Variants in DIP2B observed in about 807,000 individuals in gnomAD.
The protein encoded by DIP2B is DIP2 acetate--CoA ligase B (putative), also known as disco-interacting protein 2 homolog B.
DIP2B carries 76 observed loss-of-function variants against 198.0 expected under a neutral mutation model. The ratio of observed to expected loss-of-function variants is 0.38; its 90% CI spans 0.32 to 0.46. The LOEUF is 0.46. Among genes scored for constraint, DIP2B ranks in the 20% least tolerant of loss-of-function variants. The pLI is 0.99. For synonymous variants in DIP2B, 701 were observed against 739.1 expected (o/e 0.95, Z 0.84); for missense variants, 1,559 against 1,978.4 (o/e 0.79, Z 4.02).
rs966605505 is a variant in DIP2B, at chr12:50,748,363, TACG to T, written c.*3527_*3529del. The T allele has an allele frequency of 5.2e-5, 8 of 152,796 alleles. No homozygotes were observed. Among genetic ancestry groups the T allele is most frequent in the African/African-American group, 1.7e-4 (7 of 41,590 alleles). The allele number at this position is 152,796 out of a possible 1,614,324, so 9.5% of individuals were successfully genotyped here. A position where few individuals can be genotyped will look rare whatever the true frequency, so the allele number is the denominator to read the frequency against. ...CAATAGGCCTTTTCTTTATCATTCA[TACG>T]ACATTTCTGGTTTAGGTGTATGTAG... On this transcript the variant is annotated 3_prime_UTR_variant, in exon 38 of 38. Transcript: ENST00000301180.
intron 7 of DIP2B, among the ~76,000 whole-genome samples, chr12:50,677,718 G>T (rs1938972260): frequency 1.3e-5 from 2 of 151,906 alleles, no homozygotes; most frequent in South Asian, 2.1e-4. Flanking sequence ...TCTGTGAAAG[G>T]GTATGAAATA....
chr12:50,547,788 G>T (rs1958390504), intron 1 of DIP2B, among the ~76,000 whole-genome samples: 1 of 152,176 alleles, frequency 6.6e-6, no homozygotes, highest in African/African-American at 2.4e-5. Flanking sequence ...AAGGGTGTGA[G>T]CTGGGTATAG....
chr12:50,613,725 A>T (rs1168132589), intron 1 of DIP2B, among the ~76,000 whole-genome samples: 5 of 152,194 alleles, frequency 3.3e-5, no homozygotes, highest in Admixed American at 3.3e-4. Flanking sequence ...CGCAGATACC[A>T]CATTCCCAGC....
At chr12:50,577,538 A>AT (rs1958673673) in intron 1 of DIP2B, among the ~76,000 whole-genome samples, 1 of 151,618 alleles carries the variant, frequency 6.6e-6, no homozygotes, top group East Asian at 1.9e-4. Context: ...CGTCTAAAAA[A>AT]TAAAAAAAAT....
At chr12:50,523,055 G>A (rs1442336682) in intron 1 of DIP2B, among the ~76,000 whole-genome samples, 1 of 152,140 alleles carries the variant, frequency 6.6e-6, no homozygotes, top group Non-Finnish European at 1.5e-5. Context: ...CATAAGATCT[G>A]TATGAAGAAA....
intron 20 of DIP2B, among the ~76,000 whole-genome samples, chr12:50,706,110 C>T (rs1245320627): frequency 3.3e-5 from 5 of 152,258 alleles, no homozygotes; most frequent in South Asian, 4.1e-4. Flanking sequence ...CAACCTGAGA[C>T]GGTCATTCTC....
chr12:50,703,908 T>C (rs1565876748), intron 19 of DIP2B, among the ~76,000 whole-genome samples: 1 of 150,356 alleles, frequency 6.7e-6, no homozygotes. Flanking sequence ...TTTATTTATA[T>C]ATACATATTT....
At chr12:50,693,412 TAGAG>T (rs763678222) in intron 14 of DIP2B, among the ~76,000 whole-genome samples, 68 of 151,738 alleles carry the variant, frequency 4.5e-4, no homozygotes, top group Non-Finnish European at 6.3e-4. Flanking sequence ...GATATAGAGG[TAGAG>T]AGAGGGGACA....
chr12:50,583,325 C>G (rs1958742137), intron 1 of DIP2B, among the ~76,000 whole-genome samples: 1 of 152,054 alleles, frequency 6.6e-6, no homozygotes, highest in Admixed American at 6.6e-5. Context: ...AGCCAGACTC[C>G]TCTTCTATTG....
In DIP2B at chr12:50,748,179, T is replaced by C. The variant is rs1204261114; in HGVS notation, c.*3340T>C. ...CTATATCTTGGCCAAATAAATTACT[T>C]TCCTTGAATATCCAGGAATCTTTTA... is the stretch of plus-strand genomic sequence containing the variant. On this transcript the variant is annotated 3_prime_UTR_variant, in exon 38 of 38. Coordinates refer to ENST00000301180, the MANE Select transcript of DIP2B (RefSeq NM_173602.3). 1 of 152,672 alleles carries C rather than the reference T, an allele frequency of 6.5e-6. No homozygotes were observed. The highest frequency in any genetic ancestry group is 2.4e-5 in the African/African-American group (1 of 41,466). The allele number at this position is 152,672 out of a possible 1,614,324, so 9.5% of individuals were successfully genotyped here. A position where few individuals can be genotyped will look rare whatever the true frequency, so the allele number is the denominator to read the frequency against.
chr12:50,686,480 A>G (rs1939132632), intron 11 of DIP2B, 93 bp from the exon 12 acceptor site: 1 of 1,040,292 alleles, frequency 9.6e-7, no homozygotes, highest in African/African-American at 1.6e-5. Flanking sequence ...AATGATCTTA[A>G]TTTGGTCTCT....
intron 3 of DIP2B, among the ~76,000 whole-genome samples, chr12:50,652,945 G>T (rs1593689270): frequency 6.9e-6 from 1 of 145,354 alleles, no homozygotes; most frequent in Admixed American, 6.9e-5. Flanking sequence ...AAACACAACT[G>T]TTTTTTTTTT....
rs56369651 is a variant in DIP2B at position 50,699,864 on chromosome 12, AAC to A, written c.2325+686_2325+687del. ...GGGGACAGAGCAAGACCCTGTCTCA[AAC>A]ACACACACACACACACACACACAAC... is the stretch of plus-strand genomic sequence containing the variant. On this transcript the variant is annotated intron_variant, in intron 19 of 37. Coordinates refer to ENST00000301180, the MANE Select transcript of DIP2B (RefSeq NM_173602.3). 2.6e-3 allele frequency among the ~76,000 whole-genome samples: 387 copies of A among 146,056 alleles called. 2 individuals carry two copies. Among genetic ancestry groups the A allele is most frequent in the Middle Eastern group, 7.1e-3 (2 of 280 alleles).
chr12:50,588,876 C>T (rs534003821), intron 1 of DIP2B, among the ~76,000 whole-genome samples: 1 of 152,222 alleles, frequency 6.6e-6, no homozygotes, highest in African/African-American at 2.4e-5. Flanking sequence ...GAGACGATTG[C>T]TGTCTCATTA....
intron 1 of DIP2B, among the ~76,000 whole-genome samples, chr12:50,568,628 T>C (rs1241102419): frequency 6.6e-6 from 1 of 152,186 alleles, no homozygotes; most frequent in Non-Finnish European, 1.5e-5. Context: ...CTCAGTGGAA[T>C]TGTAAGCTTT....
intron 3 of DIP2B, among the ~76,000 whole-genome samples, chr12:50,646,373 G>A (rs1938351463): frequency 6.6e-6 from 1 of 150,904 alleles, no homozygotes; most frequent in Non-Finnish European, 1.5e-5. Flanking sequence ...CGCCTGCCTT[G>A]ACCTACCAAA....
At chr12:50,585,064 C>T (rs1317441412) in intron 1 of DIP2B, among the ~76,000 whole-genome samples, 1 of 152,182 alleles carries the variant, frequency 6.6e-6, no homozygotes, top group Non-Finnish European at 1.5e-5. Context: ...TTGACACTTG[C>T]TGTTCCTTCT....
rs575317764 is a variant in DIP2B at position 50,640,738 on chromosome 12, G to A, written c.187G>A (p.Val63Ile). Residue 63 changes from valine to isoleucine, a missense_variant, in exon 3 of 38, where the codon GTA (valine) becomes ATA (isoleucine). Coordinates refer to ENST00000301180, the MANE Select transcript of DIP2B (RefSeq NM_173602.3). ...SPQTQETDSA[V>I]QKELRNQTPA... ...TCCTTTTTTAGAAACTGATTCAGCA[G>A]TACAGAAAGAACTTAGAAACCAGAC... 63 of 1,613,624 alleles carry A rather than the reference G, an allele frequency of 3.9e-5. 1 individual carries two copies. The highest frequency in any genetic ancestry group is 4.7e-5 in the Non-Finnish European group (55 of 1,179,738).
chr12:50,658,205 C>T (rs559942291), intron 3 of DIP2B, among the ~76,000 whole-genome samples: 2 of 151,050 alleles, frequency 1.3e-5, no homozygotes, highest in Admixed American at 6.6e-5. Context: ...GGTGTGATCT[C>T]GGCTCACTGC....
Sources: gnomAD v4.1 joint callset for allele counts (sites outside exome capture counted in the v4.1 genomes callset) on GRCh38, gnomAD v4.1.1 for gene constraint, MANE v1.5 for transcripts, NCBI Gene and HGNC (gene_info 2026-07-23, HGNC 2026-07-21) for gene names.